Variants in FBN2 observed in about 807,000 individuals in gnomAD.
FBN2 encodes the protein fibrillin 2.
Under a neutral mutation model 355.6 loss-of-function variants are expected in FBN2, and 105 were observed. The ratio of observed to expected loss-of-function variants is 0.30; its 90% confidence interval spans 0.25 to 0.35. The LOEUF (loss-of-function observed/expected upper bound fraction) is 0.35. Ranked by LOEUF, FBN2 falls within the 10% of genes least tolerant of loss-of-function variation. FBN2 has a pLI of 1.00. For missense variants in FBN2, 3,280 were observed against 3,758.7 expected (o/e 0.87, Z 3.33); for synonymous variants, 1,350 against 1,301.2 (o/e 1.04, Z -0.81).
chr5:128,401,091 T>C (rs1365561550), intron 8 of FBN2, among the ~76,000 whole-genome samples: 2 of 152,192 alleles, frequency 1.3e-5, no homozygotes, highest in African/African-American at 4.8e-5. Context: ...GAACTGTAAG[T>C]CCAATTAAAC....
At chr5:128,333,138 C>T (rs1031637292) in intron 31 of FBN2, 104 bp from the exon 32 acceptor site, 34 of 1,026,176 alleles carry the variant, frequency 3.3e-5, no homozygotes, top group Admixed American at 1.5e-4. Context: ...AAGATGCAAC[C>T]GTATGGAGAA....
At chr5:128,478,840 T>C (rs1197959790) in intron 5 of FBN2, among the ~76,000 whole-genome samples, 3 of 152,202 alleles carry the variant, frequency 2.0e-5, no homozygotes, top group Non-Finnish European at 4.4e-5. Context: ...TAATGTACTC[T>C]TGTGCATTCT....
At chr5:128,528,827 G>C (rs1226561837) in intron 3 of FBN2, among the ~76,000 whole-genome samples, 3 of 152,250 alleles carry the variant, frequency 2.0e-5, no homozygotes, top group African/African-American at 7.2e-5. Context: ...CTGCTCTGCA[G>C]AGAACGGATT....
chr5:128,328,481 C>T, intron 34 of FBN2: 1 of 645,410 alleles, frequency 1.5e-6, no homozygotes, highest in Non-Finnish European at 2.8e-6. Flanking sequence ...AAACTTCCAA[C>T]TACTGGCTCT....
At chr5:128,301,096 G>A (rs1463897087) in intron 47 of FBN2, among the ~76,000 whole-genome samples, 160 bp from the exon 48 acceptor site, 1 of 152,098 alleles carries the variant, frequency 6.6e-6, no homozygotes, top group Non-Finnish European at 1.5e-5. Flanking sequence ...CTGACATCTT[G>A]GATATTTCTT....
chr5:128,488,680 T>C (rs1042088404), intron 5 of FBN2, among the ~76,000 whole-genome samples: 2 of 121,402 alleles, frequency 1.6e-5, no homozygotes, highest in African/African-American at 6.4e-5. Flanking sequence ...GTCCCCAGAG[T>C]GTGATGTTCC....
At chr5:128,285,195 T>G (rs1207446503) in intron 55 of FBN2, among the ~76,000 whole-genome samples, 1 of 84,252 alleles carries the variant, frequency 1.2e-5, no homozygotes, top group Non-Finnish European at 2.7e-5. Context: ...TGCAATCGAC[T>G]TTTTTGGGTA....
At chr5:128,398,243 A>G (rs1271997879) in intron 8 of FBN2, among the ~76,000 whole-genome samples, 4 of 152,100 alleles carry the variant, frequency 2.6e-5, no homozygotes, top group African/African-American at 9.7e-5. Flanking sequence ...GTTCCTAGAA[A>G]AAAGAGCTGC....
chr5:128,509,584 G>A (rs191439014), intron 5 of FBN2, among the ~76,000 whole-genome samples: 2 of 151,744 alleles, frequency 1.3e-5, no homozygotes, highest in Non-Finnish European at 2.9e-5. Flanking sequence ...TTTCCATTTT[G>A]ATCATGCTCT....
chr5:128,287,695 T>C lies in FBN2; in HGVS notation c.6758-265A>G, dbSNP rs79209596. 8.1e-3 allele frequency among the ~76,000 whole-genome samples: 1,239 copies of C among 152,222 alleles called. 15 individuals are homozygous for C. Among genetic ancestry groups the C allele is most frequent in the African/African-American group, 0.028 (1,162 of 41,520 alleles). ...CAACCAGTAGGGAGTAATTTCACAT[T>C]GATTTGGCTTCTATTTTTCTGAAAT... On this transcript the variant is annotated intron_variant, in intron 53 of 64. Transcript: ENST00000262464.
At chr5:128,370,187 C>T (rs1751894562) in intron 15 of FBN2, among the ~76,000 whole-genome samples, 5 of 152,108 alleles carry the variant, frequency 3.3e-5, no homozygotes, top group Admixed American at 3.3e-4. Flanking sequence ...TACCCTACAA[C>T]TTTATAAGAC....
rs116837813 is a variant in FBN2 at position 128,349,304 on chromosome 5, T to C, written c.2989+43A>G. ...GCCACTGCTTAAACAAGGAAATTCATGGCTTGTTTTATACATAGAATACAT... is the reference window on the plus strand; with the variant it reads ...GCCACTGCTTAAACAAGGAAATTCACGGCTTGTTTTATACATAGAATACAT... On this transcript the variant is annotated intron_variant, in intron 23 of 64. Coordinates refer to ENST00000262464, the MANE Select transcript of FBN2 (RefSeq NM_001999.4). The C allele has an allele frequency of 5.8e-4, 942 of 1,613,190 alleles. 4 individuals carry two copies. The African/African-American group carries it at 0.011, about 19-fold the overall frequency.
At chr5:128,515,603 A>G (rs1756261545) in intron 5 of FBN2, among the ~76,000 whole-genome samples, 1 of 152,212 alleles carries the variant, frequency 6.6e-6, no homozygotes, top group African/African-American at 2.4e-5. Flanking sequence ...ATTTCATAAA[A>G]GGTAACCTAA....
chr5:128,328,390 A>G lies in FBN2; in HGVS notation c.4471+306T>C, dbSNP rs1313781970. The G allele has an allele frequency of 5.1e-6, 3 of 589,774 alleles. No homozygotes were observed. The East Asian group carries it at 8.4e-5, about 17-fold the overall frequency. The allele number at this position is 589,774 out of a possible 1,614,324, so 36.5% of individuals were successfully genotyped here. A position where few individuals can be genotyped will look rare whatever the true frequency, so the allele number is the denominator to read the frequency against. The stretch of plus-strand genomic sequence containing the variant: ...ATGGAGCATACTTTAAAAGCTGAAT[A>G]GTTTCTCCACATGTCATTCATTTAG... On this transcript the variant is annotated intron_variant, in intron 34 of 64. Coordinates refer to ENST00000262464, the MANE Select transcript of FBN2 (RefSeq NM_001999.4).
rs1371700605 is a variant in FBN2, at chr5:128,338,358, C to T, written c.3473-236G>A. Among the ~76,000 whole-genome samples, 3 of 152,158 alleles carry T rather than the reference C, an allele frequency of 2.0e-5. No homozygotes were observed. The East Asian group carries it at 5.8e-4, about 29-fold the overall frequency. Reference sequence around the variant, plus strand: ...AATTTAATTGCATGAAATCAGCAGGCTCACAAGGGGTAGAAATACATAATA... The same window carrying T: ...AATTTAATTGCATGAAATCAGCAGGTTCACAAGGGGTAGAAATACATAATA... On this transcript the variant is annotated intron_variant, in intron 26 of 64. Transcript: ENST00000262464.
chr5:128,529,878 T>C (rs996226091), intron 3 of FBN2, among the ~76,000 whole-genome samples: 3 of 152,168 alleles, frequency 2.0e-5, no homozygotes, highest in Non-Finnish European at 4.4e-5. Flanking sequence ...CAGAAGACAA[T>C]GGCATTTGAT....
At chr5:128,295,024 G>C (rs1319982940) in intron 48 of FBN2, among the ~76,000 whole-genome samples, 1 of 151,202 alleles carries the variant, frequency 6.6e-6, no homozygotes, top group Non-Finnish European at 1.5e-5. Context: ...AAGGTGTAAG[G>C]AAGGGATCTA....
Position 128,259,520 on chromosome 5 carries a change from C to T in FBN2, c.8674G>A (p.Asp2892Asn). ...ELKKLEESNE[D>N]DYLLGELGEA... ...CCAAGCTCCCCTAGGAGGTAGTCAT[C>T]CTCATTGCTCTCTTCCAGTTTCTTA... is the stretch of plus-strand genomic sequence containing the variant. The change falls in exon 65 of 65, where the codon GAT becomes AAT. Residue 2892 changes from aspartate (D) to asparagine (N), a missense_variant. Physicochemically the swap from Asp to Asn is conservative, Grantham distance 23. Coordinates refer to ENST00000262464, the MANE Select transcript of FBN2 (RefSeq NM_001999.4). The T allele has an allele frequency of 6.2e-7, 1 of 1,613,970 alleles. No homozygotes were observed. The highest frequency in any genetic ancestry group is 1.3e-5 in the African/African-American group (1 of 75,010).
Position 128,537,672 on chromosome 5 carries a change from C to T in FBN2, c.-69G>A, listed in dbSNP as rs1756896819. On this transcript the variant is annotated 5_prime_UTR_variant, in exon 1 of 65. Coordinates refer to ENST00000262464, the MANE Select transcript of FBN2 (RefSeq NM_001999.4). ...GTGATCAAAGACAAAATCTGCGCGC[C>T]TCAGAAAAGAGTCAGGGTCTAATAA... 1 of 1,492,178 alleles carries T rather than the reference C, an allele frequency of 6.7e-7. No individual in the cohort carries two copies. Among genetic ancestry groups the T allele is most frequent in the South Asian group, 1.2e-5 (1 of 85,572 alleles). The allele number at this position is 1,492,178 out of a possible 1,614,324, so 92.4% of individuals were successfully genotyped here.
Sources: gnomAD v4.1 joint callset for allele counts (sites outside exome capture counted in the v4.1 genomes callset) on GRCh38, gnomAD v4.1.1 for gene constraint, MANE v1.5 for transcripts, NCBI Gene and HGNC (gene_info 2026-07-23, HGNC 2026-07-21) for gene names.